CADM2: variants seen among roughly 807,000 people sequenced by gnomAD.
CADM2 encodes immunoglobulin superfamily member 4D.
Under a neutral mutation model 49.8 loss-of-function variants are expected in CADM2, and 12 were observed. That is an observed-to-expected ratio of 0.24 (90% CI 0.15 to 0.39). The LOEUF is 0.39. Among genes scored for constraint, CADM2 ranks in the 10% least tolerant of loss-of-function variants. The probability of loss-of-function intolerance (pLI) is 1.00; values close to 1 mark genes in which losing one functional copy is unlikely to be tolerated. For missense variants in CADM2, 378 were observed against 492.3 expected, an observed-to-expected ratio of 0.77 and a Z score of 2.20; for synonymous variants, 214 against 175.4, an observed-to-expected ratio of 1.22 and a Z score of -1.74.
At chr3:85,125,032 G>A (rs2038982846) in intron 1 of CADM2, among the ~76,000 whole-genome samples, 1 of 152,200 alleles carries the variant, frequency 6.6e-6, no homozygotes, top group Admixed American at 6.5e-5. Flanking sequence ...GGAGATCAGA[G>A]CCAAAAGTCA....
At chr3:85,887,217 G>A (rs1178073964) in intron 5 of CADM2, among the ~76,000 whole-genome samples, 3 of 152,032 alleles carry the variant, frequency 2.0e-5, no homozygotes, top group Admixed American at 1.3e-4. Flanking sequence ...CTCCTGAGTA[G>A]TTGGGAATAC....
chr3:85,180,061 T>A (rs2040888080), intron 1 of CADM2, among the ~76,000 whole-genome samples: 1 of 152,002 alleles, frequency 6.6e-6, no homozygotes, highest in Non-Finnish European at 1.5e-5. Flanking sequence ...TATTATGTTA[T>A]ATAAAAATCT....
intron 8 of CADM2, chr3:86,015,055 A>AC: frequency 1.3e-6 from 1 of 773,672 alleles, no homozygotes; most frequent in Non-Finnish European, 2.2e-6. Context: ...GCGGACACAC[A>AC]CGTTAAACCC....
chr3:85,031,167 C>T (rs192179732), intron 1 of CADM2, among the ~76,000 whole-genome samples: 69 of 152,260 alleles, frequency 4.5e-4, no homozygotes, highest in Non-Finnish European at 8.4e-4. Flanking sequence ...AGATGTGAAG[C>T]GACGGCCATA....
chr3:85,939,468 A>AAAACACACACAC (rs1553710488), intron 7 of CADM2, among the ~76,000 whole-genome samples: 8 of 136,978 alleles, frequency 5.8e-5, no homozygotes, highest in African/African-American at 2.2e-4. Flanking sequence ...AGTAAACGAA[A>AAAACACACACAC]ACACACACAC....
At chr3:85,981,343 T>C (rs1727462313) in intron 8 of CADM2, among the ~76,000 whole-genome samples, 1 of 151,600 alleles carries the variant, frequency 6.6e-6, no homozygotes, top group Non-Finnish European at 1.5e-5. Flanking sequence ...TTTGGTCTAT[T>C]GCATTTTTTT....
chr3:85,988,454 A>G (rs1253155051), intron 8 of CADM2, among the ~76,000 whole-genome samples: 1 of 152,206 alleles, frequency 6.6e-6, no homozygotes, highest in Non-Finnish European at 1.5e-5. Flanking sequence ...AGCTATGACA[A>G]CACTGTTTCT....
chr3:85,127,307 A>T (rs1319474122), intron 1 of CADM2, among the ~76,000 whole-genome samples: 1 of 152,234 alleles, frequency 6.6e-6, no homozygotes, highest in Non-Finnish European at 1.5e-5. Context: ...TTTAGAAAAT[A>T]GAAACAAAGT....
At chr3:85,323,310 T>G (rs1164997095) in intron 1 of CADM2, among the ~76,000 whole-genome samples, 2 of 152,164 alleles carry the variant, frequency 1.3e-5, no homozygotes, top group Non-Finnish European at 2.9e-5. Flanking sequence ...TGGTAGCATT[T>G]AATTCTGCAA....
At chr3:85,519,902 G>C (rs2060991716) in intron 1 of CADM2, among the ~76,000 whole-genome samples, 1 of 151,956 alleles carries the variant, frequency 6.6e-6, no homozygotes, top group Admixed American at 6.6e-5. Flanking sequence ...AATTTGTAAG[G>C]AGATTGCTTG....
intron 3 of CADM2, among the ~76,000 whole-genome samples, chr3:85,880,192 C>T (rs762159006): frequency 2.0e-5 from 3 of 152,178 alleles, no homozygotes; most frequent in Admixed American, 1.3e-4. Flanking sequence ...TTGACACAGT[C>T]TACTAGTAGC....
intron 2 of CADM2, among the ~76,000 whole-genome samples, chr3:85,768,765 T>A (rs2069820898): frequency 2.2e-5 from 3 of 136,222 alleles, no homozygotes; most frequent in Non-Finnish European, 4.6e-5. Context: ...ATATAGTATA[T>A]ATACACATAT....
chr3:85,959,871 G>T (rs1336320862), intron 7 of CADM2, among the ~76,000 whole-genome samples: 1 of 151,868 alleles, frequency 6.6e-6, no homozygotes, highest in Non-Finnish European at 1.5e-5. Context: ...TATGGTGTTT[G>T]TATAATGACA....
chr3:86,061,987 G>A (rs1002463531), intron 8 of CADM2, among the ~76,000 whole-genome samples: 19 of 47,886 alleles, frequency 4.0e-4, no homozygotes, highest in African/African-American at 1.7e-3. Context: ...TGTTGATGGT[G>A]GGGGGGGGGT....
chr3:85,277,007 T>A (rs916012643), intron 1 of CADM2, among the ~76,000 whole-genome samples: 1 of 151,488 alleles, frequency 6.6e-6, no homozygotes, highest in African/African-American at 2.4e-5. Flanking sequence ...AAGTAAGCTT[T>A]ATGATTGTTA....
chr3:85,600,643 T>A lies in CADM2; in HGVS notation c.62-125879T>A, dbSNP rs116655775. On this transcript the variant is annotated intron_variant, in intron 1 of 9. Coordinates refer to ENST00000383699, the MANE Select transcript of CADM2 (RefSeq NM_001167675.2). ...AAATGCCTCGTGATTCACAGTATGCTTTTAAGTTGTTTTTTTTTTAAATAC... is the reference window on the plus strand; with the variant it reads ...AAATGCCTCGTGATTCACAGTATGCATTTAAGTTGTTTTTTTTTTAAATAC... 9.1e-3 allele frequency among the ~76,000 whole-genome samples: 1,380 copies of A among 151,422 alleles called. 23 individuals are homozygous for A. The highest frequency in any genetic ancestry group is 0.03 in the African/African-American group (1,251 of 41,044).
chr3:85,273,934 T>C (rs921290735), intron 1 of CADM2, among the ~76,000 whole-genome samples: 1 of 151,266 alleles, frequency 6.6e-6, no homozygotes, highest in African/African-American at 2.4e-5. Flanking sequence ...GAAGATAAGA[T>C]TGAAGCATCA....
At chr3:85,152,858 G>A (rs1575991440) in intron 1 of CADM2, among the ~76,000 whole-genome samples, 2 of 151,800 alleles carry the variant, frequency 1.3e-5, no homozygotes, top group Admixed American at 6.6e-5. Flanking sequence ...CCAGCTACTC[G>A]GGAGGCTGAG....
chr3:85,237,902 A>G (rs190058154), intron 1 of CADM2, among the ~76,000 whole-genome samples: 9 of 151,976 alleles, frequency 5.9e-5, no homozygotes, highest in Middle Eastern at 3.4e-3. Flanking sequence ...TTGAATTTCA[A>G]TGTTTTTATT....
Sources: allele counts gnomAD v4.1 joint callset (sites outside exome capture counted in the v4.1 genomes callset), GRCh38; gene constraint gnomAD v4.1.1; transcripts MANE v1.5; gene names NCBI Gene and HGNC (gene_info 2026-07-23, HGNC 2026-07-21).